The following CSMD1 variants were observed in gnomAD, a reference collection of about 807,000 sequenced individuals.
CSMD1 encodes the protein CUB and Sushi multiple domains 1.
Under a neutral mutation model 417.5 loss-of-function variants are expected in CSMD1, and 213 were observed. The ratio of observed to expected loss-of-function variants is 0.51; its 90% CI spans 0.46 to 0.57. The LOEUF (loss-of-function observed/expected upper bound fraction) is 0.57. Among genes scored for constraint, CSMD1 ranks in the 20% least tolerant of loss-of-function variants. The pLI is 0.00. For missense variants in CSMD1, 6,923 were observed against 4,529.7 expected, an observed-to-expected ratio of 1.53 and a Z score of -15.17; for synonymous variants, 2,862 against 1,736.8, an observed-to-expected ratio of 1.65 and a Z score of -16.11.
intron 3 of CSMD1, among the ~76,000 whole-genome samples, chr8:4,052,330 G>A (rs1257340684): frequency 1.3e-5 from 2 of 152,218 alleles, no homozygotes; most frequent in African/African-American, 2.4e-5. Context: ...ATTATCATAT[G>A]CACAAGGAGT....
intron 54 of CSMD1, among the ~76,000 whole-genome samples, chr8:2,983,868 A>G (rs1805632199): frequency 2.6e-5 from 4 of 152,232 alleles, no homozygotes; most frequent in Admixed American, 2.6e-4. Flanking sequence ...TATAATTATT[A>G]TACAAAAAGG....
intron 7 of CSMD1, among the ~76,000 whole-genome samples, chr8:3,648,840 T>C (rs2469407): frequency 0.39 from 59,288 of 152,050 alleles, 12,333 homozygotes; most frequent in Non-Finnish European, 0.47. Flanking sequence ...TACTGTCTTA[T>C]GTTATGTTGT....
chr8:3,797,401 G>A (rs560724849), intron 5 of CSMD1, among the ~76,000 whole-genome samples: 108 of 151,944 alleles, frequency 7.1e-4, no homozygotes, highest in African/African-American at 2.4e-3. Flanking sequence ...TCATCAATAT[G>A]GAAATTTCAT....
intron 1 of CSMD1, among the ~76,000 whole-genome samples, chr8:4,834,329 T>C (rs1319148617): frequency 1.3e-5 from 2 of 152,172 alleles, no homozygotes; most frequent in African/African-American, 2.4e-5. Context: ...ACAGGTAAGA[T>C]TTACTTGATG....
intron 2 of CSMD1, among the ~76,000 whole-genome samples, chr8:4,554,417 G>A (rs185629885): frequency 2.2e-4 from 33 of 152,262 alleles, no homozygotes; most frequent in Non-Finnish European, 4.0e-4. Flanking sequence ...GATAACAGGC[G>A]TGAACAGGCC....
At chr8:3,929,604 T>C (rs2129639167) in intron 5 of CSMD1, among the ~76,000 whole-genome samples, 1 of 150,806 alleles carries the variant, frequency 6.6e-6, no homozygotes. Flanking sequence ...TGTGGCTGCA[T>C]TATTTTGTCT....
At chr8:3,640,816 C>A (rs1480558868) in intron 7 of CSMD1, among the ~76,000 whole-genome samples, 2 of 152,004 alleles carry the variant, frequency 1.3e-5, no homozygotes, top group Admixed American at 6.6e-5. Flanking sequence ...ATGGAAAGAC[C>A]AGAGCAGGGC....
At chr8:4,037,227 C>T (rs1797669109) in intron 3 of CSMD1, among the ~76,000 whole-genome samples, 2 of 152,160 alleles carry the variant, frequency 1.3e-5, no homozygotes, top group South Asian at 4.1e-4. Context: ...TTTTCTATGA[C>T]AAGTAATATG....
chr8:4,074,701 T>C (rs765387525), intron 3 of CSMD1, among the ~76,000 whole-genome samples: 14 of 152,074 alleles, frequency 9.2e-5, no homozygotes, highest in East Asian at 1.9e-4. Flanking sequence ...AAAGATGACA[T>C]TGAGATTCCA....
At chr8:3,323,637 T>C (rs976915239) in intron 23 of CSMD1, among the ~76,000 whole-genome samples, 8 of 152,220 alleles carry the variant, frequency 5.3e-5, no homozygotes, top group African/African-American at 9.7e-5. Context: ...AAAAACAACG[T>C]TGTGTTTACA....
chr8:3,303,884 A>G (rs1804604783), intron 25 of CSMD1, among the ~76,000 whole-genome samples: 1 of 152,044 alleles, frequency 6.6e-6, no homozygotes, highest in Non-Finnish European at 1.5e-5. Flanking sequence ...CATACATGTT[A>G]AAATTAGAAA....
intron 10 of CSMD1, among the ~76,000 whole-genome samples, chr8:3,534,226 A>G (rs1004092781): frequency 5.9e-5 from 9 of 152,214 alleles, no homozygotes; most frequent in African/African-American, 2.4e-5. Flanking sequence ...TTGCCTAGGT[A>G]GTCCAGAAGA....
intron 3 of CSMD1, among the ~76,000 whole-genome samples, chr8:4,296,818 C>T (rs1419649296): frequency 1.4e-5 from 2 of 142,548 alleles, no homozygotes; most frequent in African/African-American, 5.2e-5. Flanking sequence ...TTATTGTATT[C>T]ATCTGAAGAT....
At chr8:4,515,576 G>C (rs1279241089) in intron 2 of CSMD1, among the ~76,000 whole-genome samples, 2 of 152,142 alleles carry the variant, frequency 1.3e-5, no homozygotes. Context: ...ATTCAAGTCT[G>C]GATATACTTG....
At chr8:3,619,004 G>A (rs1802284901) in intron 7 of CSMD1, among the ~76,000 whole-genome samples, 1 of 152,240 alleles carries the variant, frequency 6.6e-6, no homozygotes, top group South Asian at 2.1e-4. Flanking sequence ...TCTCTGGCTA[G>A]CAGCCATGAA....
At chr8:4,412,284 C>T (rs144795875) in intron 3 of CSMD1, among the ~76,000 whole-genome samples, 2 of 152,198 alleles carry the variant, frequency 1.3e-5, no homozygotes, top group African/African-American at 4.8e-5. Flanking sequence ...AATAGTTTAC[C>T]ACCATCCTCT....
chr8:3,679,148 A>G (rs1799526525), intron 7 of CSMD1, among the ~76,000 whole-genome samples: 1 of 152,174 alleles, frequency 6.6e-6, no homozygotes. Flanking sequence ...ATAACCAGCT[A>G]ACATCATAAT....
At chr8:4,892,593 T>A (rs1013773583) in intron 1 of CSMD1, among the ~76,000 whole-genome samples, 8 of 152,104 alleles carry the variant, frequency 5.3e-5, no homozygotes, top group Non-Finnish European at 1.0e-4. Flanking sequence ...CAGAAATATA[T>A]ACAGAAAAAA....
In CSMD1 at chr8:4,266,054, A is replaced by G. The variant is rs1804209984; in HGVS notation, c.415+153899T>C. Among the ~76,000 whole-genome samples, 2 of 103,640 alleles carry G rather than the reference A, an allele frequency of 1.9e-5. 1 individual carries two copies. The highest frequency in any genetic ancestry group is 5.3e-5 in the African/African-American group (2 of 38,014). The allele number at this position is 103,640 out of a possible 152,430, so 68.0% of individuals were successfully genotyped here. A position where few individuals can be genotyped will look rare whatever the true frequency, so the allele number is the denominator to read the frequency against. ...TCAGGCTCGCCCGGCATATTAGCTGATACTGATCACCTGCCCACCGCACAT... is the reference window on the plus strand; with the variant it reads ...TCAGGCTCGCCCGGCATATTAGCTGGTACTGATCACCTGCCCACCGCACAT... On this transcript the variant is annotated intron_variant, in intron 3 of 69. Transcript: ENST00000635120.
Sources: allele counts gnomAD v4.1 joint callset (sites outside exome capture counted in the v4.1 genomes callset), GRCh38; gene constraint gnomAD v4.1.1; transcripts MANE v1.5; gene names NCBI Gene and HGNC (gene_info 2026-07-23, HGNC 2026-07-21).